LCORL: variants seen among roughly 807,000 people sequenced by gnomAD.
LCORL encodes the protein ligand-dependent nuclear receptor corepressor-like protein.
Under a neutral mutation model 141.8 loss-of-function variants are expected in LCORL, and 41 were observed. The observed-to-expected ratio is 0.29, with a 90% CI of 0.23 to 0.38. The LOEUF (loss-of-function observed/expected upper bound fraction) is 0.38. Among genes scored for constraint, LCORL ranks in the 10% least tolerant of loss-of-function variants. The pLI, the probability that LCORL is intolerant of heterozygous loss-of-function variation, is 1.00. For missense variants in LCORL, 1,759 were observed against 2,035.0 expected (o/e 0.86, Z 2.61); for synonymous variants, 618 against 694.1 (o/e 0.89, Z 1.72).
At chr4:17,919,216 T>C (rs1733926804) in intron 4 of LCORL, among the ~76,000 whole-genome samples, 1 of 152,066 alleles carries the variant, frequency 6.6e-6, no homozygotes, top group Non-Finnish European at 1.5e-5. Flanking sequence ...ACAGAAAATA[T>C]GAATAAATCT....
chr4:17,940,118 ATATATATATGTATATGTG>A (rs1737624397), intron 4 of LCORL, among the ~76,000 whole-genome samples: 1 of 118,898 alleles, frequency 8.4e-6, no homozygotes, highest in Non-Finnish European at 1.6e-5. Context: ...ATGTGTGTGT[ATATATATATGTATATGTG>A]TATATATATG....
intron 7 of LCORL, among the ~76,000 whole-genome samples, chr4:17,864,887 C>T (rs1725456093): frequency 6.6e-6 from 1 of 152,258 alleles, no homozygotes; most frequent in East Asian, 1.9e-4. Flanking sequence ...GAGTAAGGAA[C>T]ATTTCCAGGA....
exon 7 of LCORL, chr4:17,874,591 CTCT>C (rs1726718677): frequency 1.6e-6 from 2 of 1,233,584 alleles, no homozygotes; most frequent in African/African-American, 1.6e-5. Context: ...TCAATGTGTT[CTCT>C]TTTTTTATGA....
At chr4:17,954,065 A>G (rs1712059918) in intron 4 of LCORL, among the ~76,000 whole-genome samples, 1 of 152,208 alleles carries the variant, frequency 6.6e-6, no homozygotes, top group Non-Finnish European at 1.5e-5. Flanking sequence ...GGGGAGGCTG[A>G]GGCAGGAGAA....
At chr4:17,993,688 C>A (rs1274773725) in intron 1 of LCORL, among the ~76,000 whole-genome samples, 1 of 152,052 alleles carries the variant, frequency 6.6e-6, no homozygotes, top group Admixed American at 6.6e-5. Flanking sequence ...CATGGAAAGT[C>A]TTGAAGAAGT....
chr4:17,865,525 A>G (rs1725538569), intron 7 of LCORL, among the ~76,000 whole-genome samples: 2 of 152,322 alleles, frequency 1.3e-5, no homozygotes, highest in African/African-American at 4.8e-5. Flanking sequence ...GGGCTAAAGA[A>G]AAAATCACAA....
chr4:17,865,994 G>A (rs1725597036), intron 7 of LCORL, among the ~76,000 whole-genome samples: 1 of 152,196 alleles, frequency 6.6e-6, no homozygotes, highest in Middle Eastern at 3.2e-3. Flanking sequence ...TAAGTGCAAT[G>A]GGGAGCCACT....
At chr4:17,998,308 T>C (rs1721235879) in intron 1 of LCORL, among the ~76,000 whole-genome samples, 1 of 152,150 alleles carries the variant, frequency 6.6e-6, no homozygotes, top group African/African-American at 2.4e-5. Context: ...TTTATTTCCT[T>C]TCAAAAATAA....
chr4:17,968,200 AC>A (rs1715290378), intron 2 of LCORL, among the ~76,000 whole-genome samples: 1 of 152,212 alleles, frequency 6.6e-6, no homozygotes, highest in Admixed American at 6.5e-5. Flanking sequence ...TAACGACATT[AC>A]TTTTTAACAT....
intron 4 of LCORL, among the ~76,000 whole-genome samples, chr4:17,920,655 C>A (rs1401552536): frequency 6.6e-6 from 1 of 152,222 alleles, no homozygotes; most frequent in Non-Finnish European, 1.5e-5. Context: ...TTAATCCTCT[C>A]AAACCCTGCC....
chr4:17,972,984 C>T, intron 1 of LCORL, 99 bp from the exon 2 acceptor site: 1 of 487,530 alleles, frequency 2.1e-6, no homozygotes, highest in Non-Finnish European at 3.4e-6. Flanking sequence ...ATTAATTTAA[C>T]ATACCATAAA....
chr4:18,012,532 A>C (rs1024244541), intron 1 of LCORL, among the ~76,000 whole-genome samples: 4 of 152,234 alleles, frequency 2.6e-5, no homozygotes, highest in African/African-American at 7.2e-5. Flanking sequence ...TATACCCCCA[A>C]GCAATGGTCA....
chr4:17,926,931 C>T (rs920445267), intron 4 of LCORL, among the ~76,000 whole-genome samples: 1 of 152,206 alleles, frequency 6.6e-6, no homozygotes, highest in Non-Finnish European at 1.5e-5. Flanking sequence ...TAGGCCATAA[C>T]CAGAGAGTAA....
At position 17,881,600 on chromosome 4, in the gene LCORL, T is replaced by C. The variant is rs186455926; in HGVS notation, c.777-3387A>G. 4.9e-5 allele frequency: 48 copies of C among 981,292 alleles called. No individual in the cohort carries two copies. In the East Asian group the frequency reaches 4.3e-3, roughly 89 times the overall value. 60.8% of individuals were successfully genotyped at this position (981,292 alleles called of 1,614,324 possible). ...CAATAGCAAAATGATCCCTGATTTATGAATCCTGTAAAGTTTTTGGTCAGG... is the reference window on the plus strand; with the variant it reads ...CAATAGCAAAATGATCCCTGATTTACGAATCCTGTAAAGTTTTTGGTCAGG... On this transcript the variant is annotated intron_variant, in intron 6 of 7. Transcript: ENST00000635767.
At chr4:18,004,429 A>G (rs6828122) in intron 1 of LCORL, among the ~76,000 whole-genome samples, 36,149 of 152,014 alleles carry the variant, frequency 0.24, 5,493 homozygotes, top group African/African-American at 0.43. Flanking sequence ...GACAAGAGAA[A>G]AGTGCTTGTG....
At chr4:17,906,187 G>T (rs900202686) in intron 5 of LCORL, among the ~76,000 whole-genome samples, 1 of 152,114 alleles carries the variant, frequency 6.6e-6, no homozygotes, top group Non-Finnish European at 1.5e-5. Context: ...GCATCAAAGG[G>T]TATGTGCTTC....
chr4:17,883,550 A>G, intron 6 of LCORL: 1 of 1,328,644 alleles, frequency 7.5e-7, no homozygotes, highest in Non-Finnish European at 9.6e-7. Flanking sequence ...CTTTTTTTCA[A>G]AAGGCATGTA....
exon 8 of LCORL, chr4:17,842,365 A>C: frequency 3.1e-6 from 5 of 1,612,128 alleles, no homozygotes; most frequent in Non-Finnish European, 4.2e-6. Context: ...AGACTGCTGA[A>C]GCCGACTCTG....
At chr4:17,842,380 G>T in exon 8 of LCORL, 1 of 1,611,128 alleles carries the variant, frequency 6.2e-7, no homozygotes, top group Non-Finnish European at 8.5e-7. Flanking sequence ...ACTCTGAAAG[G>T]TATGTCATGC....
Sources: allele counts gnomAD v4.1 joint callset (sites outside exome capture counted in the v4.1 genomes callset), GRCh38; gene constraint gnomAD v4.1.1; transcripts MANE v1.5; gene names NCBI Gene and HGNC (gene_info 2026-07-23, HGNC 2026-07-21).